The following RAD54B variants were observed in gnomAD, a reference collection of about 807,000 sequenced individuals.
RAD54B encodes DNA repair and recombination protein RAD54B.
In RAD54B, 78 loss-of-function variants were observed where a neutral mutation model predicts 95.8. The observed-to-expected ratio is 0.81, with a 90% CI of 0.68 to 0.98. The LOEUF (loss-of-function observed/expected upper bound fraction) is 0.98. Among genes scored for constraint, RAD54B ranks in the 50% least tolerant of loss-of-function variants. The probability of loss-of-function intolerance (pLI) is 0.00; values close to 1 mark genes in which losing one functional copy is unlikely to be tolerated. For missense variants in RAD54B, 957 were observed against 1,056.6 expected, an observed-to-expected ratio of 0.91 and a Z score of 1.31; for synonymous variants, 328 against 354.9, an observed-to-expected ratio of 0.92 and a Z score of 0.85.
intron 3 of RAD54B, among the ~76,000 whole-genome samples, chr8:94,445,241 C>A (rs1259662275): frequency 1.3e-5 from 2 of 152,070 alleles, no homozygotes; most frequent in African/African-American, 4.8e-5. Context: ...GGGTACTAAT[C>A]GCATTCATGA....
At position 94,461,160 on chromosome 8, in the gene RAD54B, C is replaced by CTT. The variant is rs57563259; in HGVS notation, c.136-2726_136-2725dup. On this transcript the variant is annotated intron_variant, in intron 2 of 14. Transcript: ENST00000336148. ...TTGTCATGTTATTATAAATACTCAT[C>CTT]TTTTTTTTTTTTTTTTTTTTTTTTT... 2.4e-3 allele frequency among the ~76,000 whole-genome samples: 144 copies of CTT among 59,980 alleles called. 29 individuals are homozygous for CTT. Among genetic ancestry groups the CTT allele is most frequent in the African/African-American group, 8.1e-3 (105 of 12,908 alleles). The allele number at this position is 59,980 out of a possible 152,430, so 39.3% of individuals were successfully genotyped here. A position where few individuals can be genotyped will look rare whatever the true frequency, so the allele number is the denominator to read the frequency against.
intron 9 of RAD54B, 81 bp from the exon 10 acceptor site, chr8:94,391,980 TA>T: frequency 7.6e-7 from 1 of 1,316,580 alleles, no homozygotes; most frequent in Non-Finnish European, 1.0e-6. Context: ...TTCATAATGA[TA>T]AACCATTTAC....
At position 94,380,421 on chromosome 8, in the gene RAD54B, G is replaced by C; in HGVS notation, c.1986-15C>G. ...CCAACACCACCCTGTCAATCAAAAA[G>C]AAAGATTCTTTAGATAAATTTAAAG... On this transcript the variant is annotated splice_polypyrimidine_tract_variant and intron_variant, in intron 11 of 14. Transcript: ENST00000336148. The C allele has an allele frequency of 1.3e-6, 2 of 1,564,928 alleles. No homozygotes were observed. The highest frequency in any genetic ancestry group is 1.7e-6 in the Non-Finnish European group (2 of 1,156,092).
intron 3 of RAD54B, among the ~76,000 whole-genome samples, chr8:94,426,456 G>A (rs1811945098): frequency 6.6e-6 from 1 of 152,008 alleles, no homozygotes; most frequent in Admixed American, 6.5e-5. Flanking sequence ...AAATTGCCAA[G>A]AAGTCCATCA....
chr8:94,431,745 C>G (rs1056625145), intron 3 of RAD54B: 20 of 995,414 alleles, frequency 2.0e-5, no homozygotes, highest in Non-Finnish European at 2.2e-5. Flanking sequence ...GTTAGTATAG[C>G]TCCTAAATTA....
intron 3 of RAD54B, among the ~76,000 whole-genome samples, chr8:94,443,988 A>G (rs867314579): frequency 3.3e-5 from 5 of 152,116 alleles, no homozygotes; most frequent in Admixed American, 6.5e-5. Flanking sequence ...CAAGTTTACC[A>G]ATTTTTTGAG....
chr8:94,465,552 C>T (rs979219311), intron 2 of RAD54B, among the ~76,000 whole-genome samples: 1 of 152,174 alleles, frequency 6.6e-6, no homozygotes, highest in Non-Finnish European at 1.5e-5. Context: ...AACCATCACA[C>T]ATTCCTGATG....
rs143491303 is a variant in RAD54B at position 94,383,242 on chromosome 8, G to A, written c.1986-2836C>T. ...AGAGGTTGGAGTGAGCTGAGATCAC[G>A]CCACTGCACTCCAGCTTGGGCAACA... is the stretch of plus-strand genomic sequence containing the variant. On this transcript the variant is annotated intron_variant, in intron 11 of 14. Coordinates refer to ENST00000336148, the MANE Select transcript of RAD54B (RefSeq NM_012415.3). Among the ~76,000 whole-genome samples, 600 of 131,142 alleles carry A rather than the reference G, an allele frequency of 4.6e-3. 3 individuals carry two copies. The highest frequency in any genetic ancestry group is 0.016 in the African/African-American group (565 of 34,924). 86.0% of individuals were successfully genotyped at this position (131,142 alleles called of 152,430 possible).
intron 11 of RAD54B, among the ~76,000 whole-genome samples, chr8:94,381,942 T>C (rs1810751064): frequency 2.6e-5 from 4 of 152,050 alleles, no homozygotes; most frequent in South Asian, 2.1e-4. Context: ...TGAAACCCCG[T>C]CTCTACTAAA....
At chr8:94,442,106 G>A (rs1812410437) in intron 3 of RAD54B, among the ~76,000 whole-genome samples, 1 of 152,186 alleles carries the variant, frequency 6.6e-6, no homozygotes, top group Non-Finnish European at 1.5e-5. Flanking sequence ...GATGGAACTG[G>A]AAGTCATTAT....
chr8:94,421,926 C>G (rs1292964440), intron 3 of RAD54B, among the ~76,000 whole-genome samples: 1 of 152,198 alleles, frequency 6.6e-6, no homozygotes, highest in African/African-American at 2.4e-5. Context: ...AAATGTGAAT[C>G]TGATAAAGTA....
intron 6 of RAD54B, among the ~76,000 whole-genome samples, chr8:94,401,834 AGATACAGT>A (rs1168205311): frequency 3.3e-5 from 5 of 152,228 alleles, no homozygotes; most frequent in Admixed American, 2.0e-4. Context: ...CAGCCCAATG[AGATACAGT>A]GAATAGCAAA....
At chr8:94,393,713 T>A (rs28373334) in intron 9 of RAD54B, 30 bp downstream of exon 9, 1 of 1,520,520 alleles carries the variant, frequency 6.6e-7, no homozygotes, top group Non-Finnish European at 9.0e-7. Context: ...TACGGCTTTT[T>A]AAAAACCTAT....
chr8:94,391,521 C>T, intron 10 of RAD54B, 88 bp downstream of exon 10: 1 of 1,370,206 alleles, frequency 7.3e-7, no homozygotes, highest in Non-Finnish European at 9.8e-7. Context: ...CAAATGCAAC[C>T]TCAGAAATTA....
intron 2 of RAD54B, among the ~76,000 whole-genome samples, chr8:94,464,700 T>C (rs975765955): frequency 6.6e-6 from 1 of 152,172 alleles, no homozygotes; most frequent in African/African-American, 2.4e-5. Context: ...TTAAATTATA[T>C]CTGTATTAGT....
chr8:94,407,540 C>A lies in RAD54B; in HGVS notation c.680G>T (p.Cys227Phe). The stretch of plus-strand genomic sequence containing the variant: ...AACACTTTTGAAAGGGTTAGAGAAA[C>A]ATTTCCTGGCAACCTGAGAAGAATG... ...ISHSSQVARK[C>F]FSNPFKSVCK... Residue 227 changes from cysteine (C) to phenylalanine (F), a missense_variant, in exon 5 of 15, where the codon TGT (cysteine) becomes TTT (phenylalanine). Coordinates refer to ENST00000336148, the MANE Select transcript of RAD54B (RefSeq NM_012415.3). 6.2e-7 allele frequency: 1 copy of A among 1,613,950 alleles called. No homozygotes were observed. The highest frequency in any genetic ancestry group is 8.5e-7 in the Non-Finnish European group (1 of 1,179,898).
At chr8:94,452,969 C>T (rs1812699821) in intron 3 of RAD54B, among the ~76,000 whole-genome samples, 1 of 152,154 alleles carries the variant, frequency 6.6e-6, no homozygotes, top group Non-Finnish European at 1.5e-5. Context: ...ACTCCTCACG[C>T]ATTGCTGATG....
In RAD54B at chr8:94,372,380, C is replaced by A; in HGVS notation, c.2523G>T (p.Ser841=). ...CTCTAGAGACAATGAATTTTTCCAACGAATCACCTGTAATAAGTAAAACAA... is the reference window on the plus strand; with the variant it reads ...CTCTAGAGACAATGAATTTTTCCAAAGAATCACCTGTAATAAGTAAAACAA... The part of the protein sequence containing the change: ...CTGEEVHTGD[S]LEKFIVSRDC... Residue 841 remains serine, a synonymous_variant, in exon 15 of 15, where the codon TCG becomes TCT. Coordinates refer to ENST00000336148, the MANE Select transcript of RAD54B (RefSeq NM_012415.3). 1 of 1,612,600 alleles carries A rather than the reference C, an allele frequency of 6.2e-7. No individual in the cohort carries two copies. Among genetic ancestry groups the A allele is most frequent in the Non-Finnish European group, 8.5e-7 (1 of 1,179,658 alleles).
chr8:94,376,878 CATTT>C (rs1810588913), intron 14 of RAD54B, among the ~76,000 whole-genome samples: 1 of 151,266 alleles, frequency 6.6e-6, no homozygotes, highest in Admixed American at 6.6e-5. Flanking sequence ...AGAAGAGAAA[CATTT>C]ATATAAAATA....
Sources: gnomAD v4.1 joint callset for allele counts (sites outside exome capture counted in the v4.1 genomes callset) on GRCh38, gnomAD v4.1.1 for gene constraint, MANE v1.5 for transcripts, NCBI Gene and HGNC (gene_info 2026-07-23, HGNC 2026-07-21) for gene names.